GRIK2: variants seen among roughly 807,000 people sequenced by gnomAD.
The protein encoded by GRIK2 is glutamate receptor ionotropic, kainate 2.
A neutral mutation model predicts 100.3 loss-of-function variants in GRIK2; 32 were observed. The ratio of observed to expected loss-of-function variants is 0.32; its 90% CI spans 0.24 to 0.43. GRIK2 has a LOEUF of 0.43. Among genes scored for constraint, GRIK2 ranks in the 20% least tolerant of loss-of-function variants. GRIK2 has a pLI of 1.00. For synonymous variants in GRIK2, 417 were observed against 389.4 expected (o/e 1.07, Z -0.83); for missense variants, 843 against 1,114.9 (o/e 0.76, Z 3.47).
intron 4 of GRIK2, among the ~76,000 whole-genome samples, chr6:101,676,170 T>C (rs955548239): frequency 3.3e-5 from 5 of 152,162 alleles, no homozygotes; most frequent in African/African-American, 1.2e-4. Flanking sequence ...CAGAACGTGT[T>C]ATGGAAAAAC....
intron 2 of GRIK2, among the ~76,000 whole-genome samples, chr6:101,553,539 A>G (rs1262957452): frequency 6.6e-6 from 1 of 152,186 alleles, no homozygotes; most frequent in Non-Finnish European, 1.5e-5. Context: ...ACCACCATCA[A>G]AAGTTTAATT....
At chr6:101,942,735 A>G (rs1791031558) in intron 14 of GRIK2, among the ~76,000 whole-genome samples, 1 of 152,184 alleles carries the variant, frequency 6.6e-6, no homozygotes, top group South Asian at 2.1e-4. Context: ...CCTGGCTTCT[A>G]CTAACAGCAT....
At chr6:101,659,623 C>G (rs1769458251) in intron 4 of GRIK2, among the ~76,000 whole-genome samples, 1 of 152,048 alleles carries the variant, frequency 6.6e-6, no homozygotes, top group African/African-American at 2.4e-5. Flanking sequence ...TTTTCCTTTC[C>G]ATATTTAGTG....
chr6:101,643,083 GGTT>G (rs1259123023), intron 4 of GRIK2, among the ~76,000 whole-genome samples: 2 of 151,422 alleles, frequency 1.3e-5, no homozygotes, highest in African/African-American at 4.8e-5. Flanking sequence ...TTGATTCATT[GGTT>G]GTTGAGTTTC....
chr6:101,800,611 C>T (rs1336789492), intron 8 of GRIK2, among the ~76,000 whole-genome samples: 1 of 151,900 alleles, frequency 6.6e-6, no homozygotes, highest in African/African-American at 2.4e-5. Context: ...AATAAAAGTG[C>T]AAATAGGATC....
At chr6:101,962,583 A>G (rs1792371776) in intron 14 of GRIK2, among the ~76,000 whole-genome samples, 1 of 152,144 alleles carries the variant, frequency 6.6e-6, no homozygotes, top group Non-Finnish European at 1.5e-5. Context: ...ATTTCCTAAT[A>G]GAACTTCTGC....
intron 9 of GRIK2, among the ~76,000 whole-genome samples, chr6:101,805,441 A>C (rs2128415996): frequency 6.6e-6 from 1 of 152,124 alleles, no homozygotes; most frequent in East Asian, 1.9e-4. Context: ...TTTAATCGTT[A>C]AAATTTAACA....
chr6:101,684,965 G>A (rs188260309), intron 6 of GRIK2, among the ~76,000 whole-genome samples: 145 of 152,108 alleles, frequency 9.5e-4, no homozygotes, highest in African/African-American at 3.3e-3. Flanking sequence ...AGAAAGGTGG[G>A]ATAAGGTCAC....
chr6:101,643,329 T>C (rs1195701238), intron 4 of GRIK2, among the ~76,000 whole-genome samples: 1 of 151,696 alleles, frequency 6.6e-6, no homozygotes, highest in Non-Finnish European at 1.5e-5. Flanking sequence ...TATGTTTTTT[T>C]CTAAGGGTTG....
intron 2 of GRIK2, among the ~76,000 whole-genome samples, chr6:101,496,115 T>G (rs1773431133): frequency 6.6e-6 from 1 of 152,054 alleles, no homozygotes; most frequent in Non-Finnish European, 1.5e-5. Flanking sequence ...CTGGCTAATT[T>G]TTTATATTTT....
At chr6:102,016,571 A>T (rs1339903671) in intron 14 of GRIK2, among the ~76,000 whole-genome samples, 3 of 151,306 alleles carry the variant, frequency 2.0e-5, no homozygotes, top group Non-Finnish European at 4.4e-5. Flanking sequence ...TTCAAAAAAA[A>T]TTTAAAAAAA....
intron 2 of GRIK2, among the ~76,000 whole-genome samples, chr6:101,419,613 T>C (rs1360287318): frequency 6.6e-6 from 1 of 152,198 alleles, no homozygotes; most frequent in Non-Finnish European, 1.5e-5. Context: ...ACACACGCAG[T>C]ATTCATTAGT....
At chr6:101,405,277 T>C (rs1418770886) in intron 2 of GRIK2, among the ~76,000 whole-genome samples, 1 of 152,194 alleles carries the variant, frequency 6.6e-6, no homozygotes, top group Non-Finnish European at 1.5e-5. Flanking sequence ...TTCAAACCTT[T>C]ATCATATACT....
At chr6:101,859,099 A>G (rs1267490053) in intron 10 of GRIK2, among the ~76,000 whole-genome samples, 188 bp from the exon 11 acceptor site, 10 of 152,090 alleles carry the variant, frequency 6.6e-5, no homozygotes, top group Non-Finnish European at 1.2e-4. Flanking sequence ...GTAAAGCACT[A>G]CTATTTCATA....
intron 16 of GRIK2, among the ~76,000 whole-genome samples, chr6:102,059,959 C>T (rs1771664989): frequency 6.7e-6 from 1 of 150,036 alleles, no homozygotes; most frequent in South Asian, 2.1e-4. Context: ...AAAAGCACTC[C>T]ATTTCTTATT....
At chr6:101,558,788 C>T (rs556458407) in intron 2 of GRIK2, among the ~76,000 whole-genome samples, 1 of 151,552 alleles carries the variant, frequency 6.6e-6, no homozygotes, top group South Asian at 2.1e-4. Context: ...TTTGTGTCTT[C>T]AACCATTATA....
rs140705341 is a variant in GRIK2 at position 101,493,362 on chromosome 6, G to C, written c.115+93970G>C. 4.8e-3 allele frequency among the ~76,000 whole-genome samples: 724 copies of C among 152,084 alleles called. 11 individuals are homozygous for C. The highest frequency in any genetic ancestry group is 0.017 in the African/African-American group (692 of 41,540). On this transcript the variant is annotated intron_variant, in intron 2 of 16. Transcript: ENST00000369134. ...GACAAAAAAATTTTAGGAGCAACCA[G>C]ATAGAAAATACAGAATGCCTACAAA...
intron 7 of GRIK2, among the ~76,000 whole-genome samples, chr6:101,783,074 G>A (rs1296370678): frequency 1.3e-5 from 2 of 151,936 alleles, no homozygotes. Context: ...TAGCCAGGAT[G>A]GTCTCGATCT....
intron 2 of GRIK2, among the ~76,000 whole-genome samples, chr6:101,559,991 G>A (rs1390137881): frequency 6.6e-6 from 1 of 152,122 alleles, no homozygotes; most frequent in East Asian, 1.9e-4. Context: ...TATGGACAAA[G>A]CACAAATTCT....
Sources: allele counts gnomAD v4.1 joint callset (sites outside exome capture counted in the v4.1 genomes callset), GRCh38; gene constraint gnomAD v4.1.1; transcripts MANE v1.5; gene names NCBI Gene and HGNC (gene_info 2026-07-23, HGNC 2026-07-21).